The following ARHGEF16 variants were observed in gnomAD, a reference collection of about 807,000 sequenced individuals.
The protein encoded by ARHGEF16 is Rho guanine exchange factor (GEF) 16.
In ARHGEF16, 59 loss-of-function variants were observed where a neutral mutation model predicts 74.1. That is an observed-to-expected ratio of 0.80 (90% CI 0.65 to 0.99). ARHGEF16 has a LOEUF of 0.99. Ranked by LOEUF, ARHGEF16 falls within the 50% of genes least tolerant of loss-of-function variation. The pLI is 0.00. For synonymous variants in ARHGEF16, 415 were observed against 412.6 expected, an observed-to-expected ratio of 1.01 and a Z score of -0.07; for missense variants, 948 against 986.6, an observed-to-expected ratio of 0.96 and a Z score of 0.52.
rs1273216384 is a variant in ARHGEF16, at chr1:3,466,136, T to A, written c.589-12T>A. 1.9e-6 allele frequency: 3 copies of A among 1,548,174 alleles called. No individual in the cohort carries two copies. The African/African-American group carries it at 4.1e-5, about 21-fold the overall frequency. ...CTGACAGCTGCGGTTTCTGTGTCTC[T>A]CTTTTGTGCAGAAGACGCTGGGGAG... On this transcript the variant is annotated splice_polypyrimidine_tract_variant and intron_variant, in intron 2 of 14. Coordinates refer to ENST00000378378, the MANE Select transcript of ARHGEF16 (RefSeq NM_014448.4).
At position 3,463,508 on chromosome 1, in the gene ARHGEF16, G is replaced by C. The variant is rs777253808; in HGVS notation, c.424G>C (p.Gly142Arg). ...TGACATGGACGTGGACAAGGACCCC[G>C]GGGGCATGCTGAGGCGGAACCTGCG... Reference protein sequence around the residue: ...LDDMDVDKDPGGMLRRNLRNQ... With the variant: ...LDDMDVDKDPRGMLRRNLRNQ... Residue 142 changes from glycine (G) to arginine (R), a missense_variant, in exon 2 of 15, where the codon GGG (glycine) becomes CGG (arginine). Physicochemically the swap from Gly to Arg is moderately radical, Grantham distance 125. Coordinates refer to ENST00000378378, the MANE Select transcript of ARHGEF16 (RefSeq NM_014448.4). The C allele has an allele frequency of 9.4e-6, 14 of 1,493,046 alleles. No homozygotes were observed. The South Asian group carries it at 1.2e-4, about 13-fold the overall frequency. 92.5% of individuals were successfully genotyped at this position (1,493,046 alleles called of 1,614,324 possible).
chr1:3,473,007 T>A lies in ARHGEF16; in HGVS notation c.1023-71T>A, dbSNP rs550797805. 4.5e-3 allele frequency: 6,877 copies of A among 1,525,444 alleles called. 31 individuals carry two copies. The highest frequency in any genetic ancestry group is 5.6e-3 in the Non-Finnish European group (6,293 of 1,123,628). The allele number at this position is 1,525,444 out of a possible 1,614,324, so 94.5% of individuals were successfully genotyped here. ...ATGTGTGAGTGTGCATGCAGATGCA[T>A]GTCTGTGTGTGCACACGTGGGGCCC... On this transcript the variant is annotated intron_variant, in intron 6 of 14. Coordinates refer to ENST00000378378, the MANE Select transcript of ARHGEF16 (RefSeq NM_014448.4).
Position 3,463,502 on chromosome 1 carries a change from G to T in ARHGEF16, c.418G>T (p.Asp140Tyr). 6.7e-7 allele frequency: 1 copy of T among 1,496,190 alleles called. No individual in the cohort carries two copies. Among genetic ancestry groups the T allele is most frequent in the Non-Finnish European group, 8.9e-7 (1 of 1,119,828 alleles). 92.7% of individuals were successfully genotyped at this position (1,496,190 alleles called of 1,614,324 possible). ...FSLDDMDVDKDPGGMLRRNLR... is the reference protein window; with the variant it reads ...FSLDDMDVDKYPGGMLRRNLR... Reference sequence around the variant, plus strand: ...CCTGGATGACATGGACGTGGACAAGGACCCCGGGGGCATGCTGAGGCGGAA... The same window carrying T: ...CCTGGATGACATGGACGTGGACAAGTACCCCGGGGGCATGCTGAGGCGGAA... Residue 140 changes from aspartate (D) to tyrosine (Y), a missense_variant, in exon 2 of 15, where the codon GAC (aspartate) becomes TAC (tyrosine). Coordinates refer to ENST00000378378, the MANE Select transcript of ARHGEF16 (RefSeq NM_014448.4).
At chr1:3,478,370 G>A in intron 11 of ARHGEF16, 54 bp from the exon 12 acceptor site, 2 of 1,522,600 alleles carry the variant, frequency 1.3e-6, no homozygotes, top group Non-Finnish European at 8.9e-7. Context: ...GAGCCCAGCA[G>A]CACTGGGTAG....
At chr1:3,479,730 G>A (rs1640002229) in intron 13 of ARHGEF16, 82 bp from the exon 14 acceptor site, 1 of 1,512,348 alleles carries the variant, frequency 6.6e-7, no homozygotes, top group Non-Finnish European at 9.1e-7. Flanking sequence ...GGCCCCGGGG[G>A]ATGTGTCTGC....
chr1:3,472,739 G>A, intron 6 of ARHGEF16: 2 of 222,384 alleles, frequency 9.0e-6, no homozygotes, highest in African/African-American at 2.3e-5. Flanking sequence ...ACTGGACAGG[G>A]CACCAGGACA....
chr1:3,467,427 G>T (rs1639579439), intron 4 of ARHGEF16, 90 bp downstream of exon 4: 1 of 1,406,472 alleles, frequency 7.1e-7, no homozygotes, highest in African/African-American at 1.4e-5. Context: ...CAGGCGGCTG[G>T]TCCCCAGCAG....
chr1:3,471,858 G>A, intron 6 of ARHGEF16: 1 of 1,034,980 alleles, frequency 9.7e-7, no homozygotes, highest in African/African-American at 1.7e-5. Flanking sequence ...ATGAGCTGCT[G>A]ACCGGCCTGG....
chr1:3,473,051 A>G, intron 6 of ARHGEF16, 27 bp from the exon 7 acceptor site: 13 of 1,605,542 alleles, frequency 8.1e-6, no homozygotes, highest in Middle Eastern at 1.7e-4. Context: ...GGCCCGTGGC[A>G]CCCTCCTCAC....
At chr1:3,466,567 G>T (rs747453388) in intron 3 of ARHGEF16, among the ~76,000 whole-genome samples, 4 of 152,180 alleles carry the variant, frequency 2.6e-5, no homozygotes, top group African/African-American at 9.7e-5. Context: ...ACTCTTCGAG[G>T]CTGAAGGGGA....
At chr1:3,458,073 C>T (rs1334315862) in intron 1 of ARHGEF16, among the ~76,000 whole-genome samples, 1 of 152,206 alleles carries the variant, frequency 6.6e-6, no homozygotes, top group African/African-American at 2.4e-5. Flanking sequence ...ACCAGGGCCT[C>T]TCTGGGAAGA....
intron 7 of ARHGEF16, 33 bp from the exon 8 acceptor site, chr1:3,473,360 A>G (rs780037449): frequency 3.8e-6 from 6 of 1,584,170 alleles, no homozygotes; most frequent in Non-Finnish European, 5.2e-6. Flanking sequence ...CTGGCCATGC[A>G]GAGCCTGGAA....
intron 1 of ARHGEF16, among the ~76,000 whole-genome samples, chr1:3,458,466 G>A (rs984781746): frequency 3.9e-5 from 6 of 152,224 alleles, no homozygotes; most frequent in African/African-American, 1.4e-4. Flanking sequence ...GAGCCGACCA[G>A]CATCTCAGTG....
Position 3,477,878 on chromosome 1 carries a change from C to T in ARHGEF16, c.1477C>T (p.Leu493Phe), listed in dbSNP as rs777092820. Residue 493 changes from leucine to phenylalanine, a missense_variant, in exon 11 of 15, where the codon CTC becomes TTC. By Grantham distance (22) the Leu-to-Phe change is conservative (BLOSUM62 0). Transcript: ENST00000378378. ...TQLDFSKVKS[L>F]PLISASRWLL... ...CCTCCCGGCTCTGTCCCCCCAGTCC[C>T]TCCCACTGATCTCTGCCTCCCGGTG... 1.4e-5 allele frequency: 22 copies of T among 1,603,142 alleles called. No homozygotes were observed. The highest frequency in any genetic ancestry group is 1.7e-4 in the Middle Eastern group (1 of 6,058).
chr1:3,467,862 G>T (rs369020665), intron 4 of ARHGEF16, among the ~76,000 whole-genome samples: 1 of 152,098 alleles, frequency 6.6e-6, no homozygotes, highest in Non-Finnish European at 1.5e-5. Flanking sequence ...CATGTGACCC[G>T]CACCCTGAGG....
At chr1:3,469,359 G>A (rs1358873835) in intron 5 of ARHGEF16, 74 bp from the exon 6 acceptor site, 10 of 1,560,496 alleles carry the variant, frequency 6.4e-6, no homozygotes, top group Middle Eastern at 1.7e-4. Context: ...ACGTCCTCCT[G>A]TTCCAAGCAT....
Position 3,463,410 on chromosome 1 carries a change from G to A in ARHGEF16, c.326G>A (p.Gly109Glu). 1 of 1,550,112 alleles carries A rather than the reference G, an allele frequency of 6.5e-7. No homozygotes were observed. Among genetic ancestry groups the A allele is most frequent in the Non-Finnish European group, 8.7e-7 (1 of 1,146,836 alleles). Residue 109 changes from glycine (G) to glutamate (E), a missense_variant, in exon 2 of 15, where the codon GGG becomes GAG. Gly to Glu is a moderately conservative substitution (Grantham distance 98). Transcript: ENST00000378378. Reference sequence around the variant, plus strand: ...ACCCCAGCCCGCCACCAGAGCTTCGGGGCGGCTGTACTTAGCAGGGAGGCC... The same window carrying A: ...ACCCCAGCCCGCCACCAGAGCTTCGAGGCGGCTGTACTTAGCAGGGAGGCC... Reference protein sequence around the residue: ...AKTPARHQSFGAAVLSREAAR... With the variant: ...AKTPARHQSFEAAVLSREAAR...
intron 14 of ARHGEF16, 122 bp downstream of exon 14, chr1:3,480,035 C>G (rs902395686): frequency 7.3e-6 from 7 of 956,394 alleles, no homozygotes; most frequent in Non-Finnish European, 1.1e-5. Context: ...CACCCTCTCT[C>G]GAGGGCTTCC....
Position 3,463,461 on chromosome 1 carries a change from C to G in ARHGEF16, c.377C>G (p.Pro126Arg). ...EAARRDPKLL[P>R]APSFSLDDMD... ...GCCCGGCGGGACCCTAAGCTCCTCC[C>G]AGCCCCCAGCTTCTCCCTGGATGAC... Residue 126 changes from proline to arginine, a missense_variant, in exon 2 of 15, where the codon CCA (proline) becomes CGA (arginine). By Grantham distance (103) the Pro-to-Arg change is moderately radical. Transcript: ENST00000378378. 1.3e-6 allele frequency: 2 copies of G among 1,534,994 alleles called. No individual in the cohort carries two copies. The highest frequency in any genetic ancestry group is 1.2e-5 in the South Asian group (1 of 82,776).
Sources: allele counts gnomAD v4.1 joint callset (sites outside exome capture counted in the v4.1 genomes callset), GRCh38; gene constraint gnomAD v4.1.1; transcripts MANE v1.5; gene names NCBI Gene and HGNC (gene_info 2026-07-23, HGNC 2026-07-21).